The following CATSPERD variants were observed in gnomAD, a reference collection of about 807,000 sequenced individuals.
CATSPERD encodes the protein catsper channel auxiliary subunit delta.
Under a neutral mutation model 98.1 loss-of-function variants are expected in CATSPERD, and 86 were observed. The observed-to-expected ratio is 0.88, with a 90% CI of 0.74 to 1.05. The LOEUF is 1.05. Among genes scored for constraint, CATSPERD ranks in the 50% least tolerant of loss-of-function variants. The pLI is 0.00. For synonymous variants in CATSPERD, 394 were observed against 390.2 expected (o/e 1.01, Z -0.12); for missense variants, 995 against 1,005.7 (o/e 0.99, Z 0.14).
At chr19:5,760,571 G>C (rs969431013) in intron 15 of CATSPERD, among the ~76,000 whole-genome samples, 2 of 151,788 alleles carry the variant, frequency 1.3e-5, no homozygotes, top group Non-Finnish European at 2.9e-5. Flanking sequence ...AAGTAGGATG[G>C]GGGGTGCCAG....
chr19:5,766,086 G>C lies in CATSPERD; in HGVS notation c.1507-17G>C, dbSNP rs1568369949. ...CTCACTGACCTGGGTCCATATTTCTGTCTCTCTCCTCTGCAGTCGACACTG... is the reference window on the plus strand; with the variant it reads ...CTCACTGACCTGGGTCCATATTTCTCTCTCTCTCCTCTGCAGTCGACACTG... On this transcript the variant is annotated splice_polypyrimidine_tract_variant and intron_variant, in intron 16 of 21. Coordinates refer to ENST00000381624, the MANE Select transcript of CATSPERD (RefSeq NM_152784.4). The C allele has an allele frequency of 1.2e-6, 2 of 1,609,536 alleles. No homozygotes were observed. The highest frequency in any genetic ancestry group is 1.7e-6 in the Non-Finnish European group (2 of 1,177,330).
At chr19:5,754,729 C>CTGCA (rs977776309) in intron 13 of CATSPERD, among the ~76,000 whole-genome samples, 99 of 152,072 alleles carry the variant, frequency 6.5e-4, no homozygotes, top group African/African-American at 2.3e-3. Context: ...CGACGTGCCT[C>CTGCA]TGCATGTCTG....
At chr19:5,742,232 G>C (rs1307632173) in intron 7 of CATSPERD, among the ~76,000 whole-genome samples, 2 of 150,662 alleles carry the variant, frequency 1.3e-5, no homozygotes, top group Non-Finnish European at 3.0e-5. Flanking sequence ...GTGTGTGCGT[G>C]TGTGTACGTA....
intron 13 of CATSPERD, 27 bp downstream of exon 13, chr19:5,754,272 T>C (rs1162263103): frequency 3.3e-6 from 5 of 1,536,638 alleles, no homozygotes; most frequent in Non-Finnish European, 4.5e-6. Context: ...GTTTCTGCTA[T>C]CTGGGATTCT....
intron 20 of CATSPERD, among the ~76,000 whole-genome samples, chr19:5,775,612 G>A (rs1462989750): frequency 7.3e-6 from 1 of 137,700 alleles, no homozygotes; most frequent in Non-Finnish European, 1.5e-5. Context: ...TCGCGCCACT[G>A]CACTCCAGCC....
intron 7 of CATSPERD, among the ~76,000 whole-genome samples, chr19:5,740,440 A>G (rs1302772857): frequency 2.0e-5 from 3 of 147,464 alleles, no homozygotes; most frequent in Non-Finnish European, 3.0e-5. Flanking sequence ...ATACAAAATT[A>G]GCTGGGCGTG....
At chr19:5,742,189 T>C (rs1568350637) in intron 7 of CATSPERD, among the ~76,000 whole-genome samples, 1 of 149,480 alleles carries the variant, frequency 6.7e-6, no homozygotes, top group Non-Finnish European at 1.5e-5. Flanking sequence ...TATGTGAACG[T>C]GTGTGCGTGT....
chr19:5,771,004 C>G lies in CATSPERD; in HGVS notation c.1695C>G (p.Tyr565Ter). The stretch of plus-strand genomic sequence containing the variant: ...CCTCCGAGGACCTGCACGTGTTTTA[C>G]TCCTACCAGCAGCTGGGCTGTCCTC... ...QQSSEDLHVFYSYQQLGCPLL... is the reference protein window; with the variant it reads ...QQSSEDLHVF Residue 565 changes from tyrosine to a stop codon, truncating the protein, a stop_gained, in exon 19 of 22, where the codon TAC becomes TAG. Coordinates refer to ENST00000381624, the MANE Select transcript of CATSPERD (RefSeq NM_152784.4). LOFTEE classifies it high-confidence loss of function. 6.2e-7 allele frequency: 1 copy of G among 1,614,102 alleles called. No individual in the cohort carries two copies. The highest frequency in any genetic ancestry group is 1.1e-5 in the South Asian group (1 of 91,086).
At chr19:5,771,139 G>A (rs558802989) in intron 19 of CATSPERD, 67 bp downstream of exon 19, 29 of 1,534,978 alleles carry the variant, frequency 1.9e-5, no homozygotes, top group Non-Finnish European at 1.9e-5. Context: ...TGGCCCTGGG[G>A]TACCAGCCTG....
intron 4 of CATSPERD, among the ~76,000 whole-genome samples, chr19:5,730,671 T>C (rs1222823501): frequency 3.3e-5 from 5 of 152,032 alleles, no homozygotes; most frequent in Non-Finnish European, 7.4e-5. Flanking sequence ...TCCCTGCACA[T>C]TGATTGGCCA....
At position 5,751,677 on chromosome 19, in the gene CATSPERD, G is replaced by A. The variant is rs367789230; in HGVS notation, c.1018G>A (p.Val340Met). ...FADQYIWSED[V>M]ALMFRSPGTL... ...AGACCAATACATCTGGTCAGAAGACGTGGCCCTGATGTTCAGGAGCCCAGG... is the reference window on the plus strand; with the variant it reads ...AGACCAATACATCTGGTCAGAAGACATGGCCCTGATGTTCAGGAGCCCAGG... The change falls in exon 12 of 22, where the codon GTG becomes ATG. Residue 340 changes from valine to methionine, a missense_variant. This residue lies in a region of CATSPERD where 762 missense variants were observed against 773.7 expected (regional missense o/e 0.98). Coordinates refer to ENST00000381624, the MANE Select transcript of CATSPERD (RefSeq NM_152784.4). 28 of 1,609,210 alleles carry A rather than the reference G, an allele frequency of 1.7e-5. No homozygotes were observed. In the African/African-American group the frequency reaches 1.7e-4, roughly 10 times the overall value.
chr19:5,742,249 TGTG>T (rs1297490496), intron 7 of CATSPERD, among the ~76,000 whole-genome samples: 1 of 150,960 alleles, frequency 6.6e-6, no homozygotes, highest in South Asian at 2.1e-4. Flanking sequence ...CGTATGTGAA[TGTG>T]TGTGGGTGTG....
chr19:5,753,914 T>C (rs2056273438), intron 12 of CATSPERD, among the ~76,000 whole-genome samples: 3 of 151,342 alleles, frequency 2.0e-5, no homozygotes, highest in Admixed American at 2.0e-4. Context: ...TTACTGCGCA[T>C]GTCAGGGTTG....
At chr19:5,724,481 C>T (rs1273306646) in intron 1 of CATSPERD, among the ~76,000 whole-genome samples, 2 of 152,036 alleles carry the variant, frequency 1.3e-5, no homozygotes, top group African/African-American at 2.4e-5. Context: ...AGGCAGATCA[C>T]GAGGTCAGGA....
At position 5,752,681 on chromosome 19, in the gene CATSPERD, G is replaced by T. The variant is rs567709745; in HGVS notation, c.1164+858G>T. Among the ~76,000 whole-genome samples the T allele has an allele frequency of 2.0e-5, 3 of 152,190 alleles. No individual in the cohort carries two copies. The South Asian group carries it at 6.2e-4, about 32-fold the overall frequency. ...GGTTCACCTGCACCAGGGAAATCCA[G>T]ATTTTGAGAAATGCTGCGGGCCCAA... On this transcript the variant is annotated intron_variant, in intron 12 of 21. Transcript: ENST00000381624.
intron 15 of CATSPERD, among the ~76,000 whole-genome samples, chr19:5,760,088 A>AAG (rs1451285146): frequency 1.3e-5 from 2 of 149,290 alleles, no homozygotes; most frequent in Non-Finnish European, 3.0e-5. Flanking sequence ...AAAAAAAAAA[A>AAG]AAAAAAAAAG....
At chr19:5,734,790 A>C (rs972255285) in intron 5 of CATSPERD, among the ~76,000 whole-genome samples, 1 of 150,808 alleles carries the variant, frequency 6.6e-6, no homozygotes, top group Admixed American at 6.6e-5. Context: ...TGACAGAGTG[A>C]GACTCTGTCT....
chr19:5,772,509 G>A (rs951930219), intron 19 of CATSPERD: 1 of 373,792 alleles, frequency 2.7e-6, no homozygotes, highest in Non-Finnish European at 4.9e-6. Flanking sequence ...TTACGGGCGT[G>A]AGCCGCCGCG....
At chr19:5,744,129 A>G (rs2056050175) in intron 7 of CATSPERD, among the ~76,000 whole-genome samples, 1 of 151,608 alleles carries the variant, frequency 6.6e-6, no homozygotes, top group Non-Finnish European at 1.5e-5. Flanking sequence ...ACAGGCGCCT[A>G]CCACCACACC....
Sources: allele counts gnomAD v4.1 joint callset (sites outside exome capture counted in the v4.1 genomes callset), GRCh38; gene constraint gnomAD v4.1.1; regional missense constraint gnomAD v4.1.1; transcripts MANE v1.5; gene names NCBI Gene and HGNC (gene_info 2026-07-23, HGNC 2026-07-21).